STXBP5L: variants seen among roughly 807,000 people sequenced by gnomAD.
STXBP5L encodes the protein syntaxin-binding protein 5-like.
STXBP5L carries 65 observed loss-of-function variants against 144.5 expected under a neutral mutation model. The ratio of observed to expected loss-of-function variants is 0.45; its 90% CI spans 0.37 to 0.55. The LOEUF (loss-of-function observed/expected upper bound fraction) is 0.55, where lower values mean the gene tolerates loss of function less well. STXBP5L is among the 20% of genes least tolerant of loss of function. STXBP5L has a pLI of 0.00. For synonymous variants in STXBP5L, 505 were observed against 469.6 expected (o/e 1.08, Z -0.97); for missense variants, 1,298 against 1,405.5 (o/e 0.92, Z 1.22).
At chr3:121,254,186 C>G (rs545809650) in intron 15 of STXBP5L, among the ~76,000 whole-genome samples, 6 of 152,226 alleles carry the variant, frequency 3.9e-5, no homozygotes, top group African/African-American at 1.2e-4. Context: ...ATATTTAAAA[C>G]TTTACTCAAG....
intron 20 of STXBP5L, among the ~76,000 whole-genome samples, chr3:121,325,513 G>C (rs1253272871): frequency 6.6e-6 from 1 of 151,878 alleles, no homozygotes; most frequent in African/African-American, 2.4e-5. Flanking sequence ...AAAATTATGG[G>C]ACATTCAAAC....
At chr3:121,178,305 A>G (rs1272635662) in intron 9 of STXBP5L, among the ~76,000 whole-genome samples, 4 of 152,206 alleles carry the variant, frequency 2.6e-5, no homozygotes, top group African/African-American at 7.2e-5. Context: ...ACTACAATTT[A>G]AAAAACTACA....
intron 5 of STXBP5L, among the ~76,000 whole-genome samples, chr3:121,077,461 C>A (rs1233818173): frequency 2.0e-5 from 3 of 152,142 alleles, no homozygotes; most frequent in Non-Finnish European, 4.4e-5. Flanking sequence ...AGGAGTGAAG[C>A]TGCAGACCTT....
At chr3:120,940,220 A>G (rs1056530667) in intron 2 of STXBP5L, among the ~76,000 whole-genome samples, 1 of 152,090 alleles carries the variant, frequency 6.6e-6, no homozygotes, top group Non-Finnish European at 1.5e-5. Flanking sequence ...AATGTGATAC[A>G]GTATTAAGTT....
At chr3:120,975,698 A>ATTAT (rs1940902425) in intron 3 of STXBP5L, among the ~76,000 whole-genome samples, 1 of 152,138 alleles carries the variant, frequency 6.6e-6, no homozygotes, top group African/African-American at 2.4e-5. Flanking sequence ...GATAGCTCTT[A>ATTAT]TTATTTTGAG....
chr3:121,039,718 A>T (rs926215567), intron 3 of STXBP5L, among the ~76,000 whole-genome samples: 6 of 149,526 alleles, frequency 4.0e-5, no homozygotes, highest in African/African-American at 1.5e-4. Flanking sequence ...TCATTATTTA[A>T]AAAAAATTTT....
chr3:121,079,692 C>T (rs767433281), intron 5 of STXBP5L, among the ~76,000 whole-genome samples: 1 of 152,120 alleles, frequency 6.6e-6, no homozygotes, highest in African/African-American at 2.4e-5. Context: ...TGAGAAGATA[C>T]TTGATATGAT....
chr3:121,033,236 C>T (rs377310990), intron 3 of STXBP5L, among the ~76,000 whole-genome samples: 3 of 137,106 alleles, frequency 2.2e-5, no homozygotes, highest in African/African-American at 5.6e-5. Context: ...GAATACTATG[C>T]AGCCATAAAA....
At position 121,028,672 on chromosome 3, in the gene STXBP5L, AT is replaced by A. The variant is rs1239163626; in HGVS notation, c.288-13021del. Among the ~76,000 whole-genome samples the A allele has an allele frequency of 3.3e-5, 5 of 151,958 alleles. No individual in the cohort carries two copies. The East Asian group carries it at 9.6e-4, about 29-fold the overall frequency. On this transcript the variant is annotated intron_variant, in intron 3 of 26. Coordinates refer to ENST00000471454, the MANE Select transcript of STXBP5L (RefSeq NM_001308330.2). ...TCTTGTATAAGCCATTGGAACCATCATTTTTTTCTGGTAGTAGCAAAGAAAA... is the reference window on the plus strand; with the variant it reads ...TCTTGTATAAGCCATTGGAACCATCATTTTTTCTGGTAGTAGCAAAGAAAA...
intron 19 of STXBP5L, among the ~76,000 whole-genome samples, chr3:121,284,620 A>C (rs1404398858): frequency 6.6e-6 from 1 of 152,138 alleles, no homozygotes; most frequent in Non-Finnish European, 1.5e-5. Context: ...TGATGATGTC[A>C]GTAGGATAGA....
At chr3:120,960,731 A>T (rs1235478898) in intron 3 of STXBP5L, among the ~76,000 whole-genome samples, 2 of 147,932 alleles carry the variant, frequency 1.4e-5, no homozygotes, top group South Asian at 2.2e-4. Flanking sequence ...GGACACAGGA[A>T]GGGGAACATC....
chr3:121,092,821 G>A (rs1241782392), intron 5 of STXBP5L, among the ~76,000 whole-genome samples: 3 of 152,168 alleles, frequency 2.0e-5, no homozygotes, highest in African/African-American at 7.2e-5. Context: ...GAATAGGAGT[G>A]GTGAGAGAGG....
At chr3:120,960,075 A>T (rs1224752693) in intron 3 of STXBP5L, among the ~76,000 whole-genome samples, 1 of 152,120 alleles carries the variant, frequency 6.6e-6, no homozygotes, top group African/African-American at 2.4e-5. Flanking sequence ...AAAACAAACA[A>T]CCCCATCGAA....
chr3:121,072,978 T>C (rs1234357446), intron 5 of STXBP5L, among the ~76,000 whole-genome samples: 1 of 152,352 alleles, frequency 6.6e-6, no homozygotes, highest in Non-Finnish European at 1.5e-5. Context: ...TAGTGAGAGC[T>C]ATTAGCTCAG....
chr3:121,172,635 C>T (rs1437758510), intron 9 of STXBP5L, among the ~76,000 whole-genome samples: 1 of 152,146 alleles, frequency 6.6e-6, no homozygotes, highest in African/African-American at 2.4e-5. Context: ...AGTGAGATAC[C>T]ATCTCAGGCC....
At chr3:120,913,320 C>T (rs558474032) in intron 2 of STXBP5L, among the ~76,000 whole-genome samples, 1 of 152,072 alleles carries the variant, frequency 6.6e-6, no homozygotes. Flanking sequence ...AGCACCTCCC[C>T]ATTCTTAGAG....
chr3:121,004,171 C>A (rs1248971265), intron 3 of STXBP5L, among the ~76,000 whole-genome samples: 1 of 152,134 alleles, frequency 6.6e-6, no homozygotes, highest in Non-Finnish European at 1.5e-5. Flanking sequence ...ATTGATTCTT[C>A]CTACCCATGA....
chr3:121,181,337 G>A (rs186207497), intron 9 of STXBP5L, among the ~76,000 whole-genome samples: 3 of 151,542 alleles, frequency 2.0e-5, no homozygotes, highest in East Asian at 2.0e-4. Flanking sequence ...GTAAAGAGAG[G>A]AGAGGAGAGG....
intron 3 of STXBP5L, among the ~76,000 whole-genome samples, chr3:121,013,653 A>G (rs12496360): frequency 0.094 from 14,321 of 151,856 alleles, 1,055 homozygotes; most frequent in Admixed American, 0.2. Flanking sequence ...CTTTTGCTGT[A>G]TGGAAGGTTT....
Sources: allele counts gnomAD v4.1 joint callset (sites outside exome capture counted in the v4.1 genomes callset), GRCh38; gene constraint gnomAD v4.1.1; transcripts MANE v1.5; gene names NCBI Gene and HGNC (gene_info 2026-07-23, HGNC 2026-07-21).